The following THSD4 variants were observed in gnomAD, a reference collection of about 807,000 sequenced individuals.
The protein encoded by THSD4 is thrombospondin type-1 domain-containing protein 4.
THSD4 carries 69 observed loss-of-function variants against 119.0 expected under a neutral mutation model. The ratio of observed to expected loss-of-function variants is 0.58; its 90% confidence interval spans 0.48 to 0.71. THSD4 has a LOEUF of 0.71. Ranked by LOEUF, THSD4 falls within the 30% of genes least tolerant of loss-of-function variation. THSD4 has a pLI of 0.00. For missense variants in THSD4, 1,393 were observed against 1,391.1 expected (o/e 1.00, Z -0.02); for synonymous variants, 524 against 540.4 (o/e 0.97, Z 0.42).
At chr15:71,655,418 A>G (rs906132929) in intron 7 of THSD4, among the ~76,000 whole-genome samples, 1 of 152,214 alleles carries the variant, frequency 6.6e-6, no homozygotes, top group Non-Finnish European at 1.5e-5. Context: ...AAGAAGTAGT[A>G]GAAAGTGTTA....
chr15:71,326,349 T>TG (rs1320084891), intron 6 of THSD4, among the ~76,000 whole-genome samples: 1 of 151,616 alleles, frequency 6.6e-6, no homozygotes, highest in Non-Finnish European at 1.5e-5. Flanking sequence ...AAAATGGTGG[T>TG]GGTGATGATG....
intron 7 of THSD4, among the ~76,000 whole-genome samples, chr15:71,501,692 C>G (rs995701861): frequency 1.1e-4 from 17 of 152,212 alleles, no homozygotes; most frequent in African/African-American, 4.1e-4. Flanking sequence ...TTTAAAAATG[C>G]AAATAACTCT....
intron 7 of THSD4, among the ~76,000 whole-genome samples, chr15:71,530,100 A>G (rs2048585989): frequency 6.6e-6 from 1 of 152,194 alleles, no homozygotes; most frequent in Admixed American, 6.5e-5. Context: ...AGCCTTCAAA[A>G]CTATCTTCTT....
At chr15:71,433,588 T>G (rs1595762582) in intron 7 of THSD4, among the ~76,000 whole-genome samples, 1 of 151,796 alleles carries the variant, frequency 6.6e-6, no homozygotes, top group East Asian at 1.9e-4. Flanking sequence ...GTCCCCTGAG[T>G]CATCCTGGGT....
chr15:71,241,507 A>G (rs1354405284), intron 4 of THSD4, among the ~76,000 whole-genome samples: 1 of 152,172 alleles, frequency 6.6e-6, no homozygotes, highest in African/African-American at 2.4e-5. Flanking sequence ...CTTGAAAACT[A>G]TGGATGATTA....
intron 3 of THSD4, among the ~76,000 whole-genome samples, chr15:71,213,164 T>C (rs977056439): frequency 6.6e-6 from 1 of 152,194 alleles, no homozygotes; most frequent in African/African-American, 2.4e-5. Flanking sequence ...AATCCTTCCT[T>C]GCCTCTTCCA....
intron 7 of THSD4, among the ~76,000 whole-genome samples, chr15:71,626,178 G>T (rs2050506219): frequency 6.6e-6 from 1 of 152,096 alleles, no homozygotes; most frequent in African/African-American, 2.4e-5. Context: ...ACAATTTATG[G>T]TATCTTGTAA....
intron 4 of THSD4, 76 bp from the exon 5 acceptor site, chr15:71,242,573 C>A: frequency 6.7e-7 from 1 of 1,490,178 alleles, no homozygotes; most frequent in Non-Finnish European, 9.2e-7. Context: ...TCCTCTCTAC[C>A]ACGGACCAGA....
chr15:71,332,991 G>T (rs1025345332), intron 6 of THSD4, among the ~76,000 whole-genome samples: 1 of 145,864 alleles, frequency 6.9e-6, no homozygotes, highest in Non-Finnish European at 1.5e-5. Flanking sequence ...AGGGAAGATC[G>T]GACACCTCTG....
intron 6 of THSD4, among the ~76,000 whole-genome samples, chr15:71,353,996 G>C (rs1199067841): frequency 6.6e-6 from 1 of 152,196 alleles, no homozygotes; most frequent in East Asian, 1.9e-4. Flanking sequence ...AATTCCAGGG[G>C]CTGTCTGGAA....
At chr15:71,301,473 C>T (rs571042420) in intron 6 of THSD4, among the ~76,000 whole-genome samples, 8 of 151,912 alleles carry the variant, frequency 5.3e-5, no homozygotes, top group Admixed American at 4.6e-4. Flanking sequence ...GAACATATAC[C>T]GTTGTGTGTT....
chr15:71,374,584 T>TCATC (rs1325655654), intron 6 of THSD4, among the ~76,000 whole-genome samples: 2 of 152,156 alleles, frequency 1.3e-5, no homozygotes, highest in Admixed American at 6.5e-5. Context: ...TGCCTCTACC[T>TCATC]CATCAGAGCT....
chr15:71,674,609 A>AT (rs1046247108), intron 8 of THSD4, among the ~76,000 whole-genome samples: 10 of 151,716 alleles, frequency 6.6e-5, no homozygotes, highest in African/African-American at 1.7e-4. Context: ...GGACTTCAGG[A>AT]TTTTTTTTTA....
At chr15:71,727,545 AAAAAAAAAATATATATATATATATAT>A (rs1404339872) in intron 8 of THSD4, among the ~76,000 whole-genome samples, 13 of 97,688 alleles carry the variant, frequency 1.3e-4, no homozygotes, top group Middle Eastern at 4.5e-3. Context: ...AAAAAAAAAA[AAAAAAAAAATATATATATATATATAT>A]ATATATATAT....
intron 7 of THSD4, among the ~76,000 whole-genome samples, chr15:71,414,062 T>G (rs920590704): frequency 6.6e-6 from 1 of 152,250 alleles, no homozygotes; most frequent in African/African-American, 2.4e-5. Flanking sequence ...AAACCTGCCC[T>G]CCGAAGTCGG....
intron 4 of THSD4, among the ~76,000 whole-genome samples, chr15:71,239,479 C>G (rs979004435): frequency 2.0e-5 from 3 of 152,216 alleles, no homozygotes; most frequent in South Asian, 4.1e-4. Flanking sequence ...GAAAGCTGGC[C>G]TCAGGGTCCA....
chr15:71,718,321 A>G (rs1454319535), intron 8 of THSD4, among the ~76,000 whole-genome samples: 1 of 152,152 alleles, frequency 6.6e-6, no homozygotes, highest in Non-Finnish European at 1.5e-5. Flanking sequence ...AGCCTCCTGG[A>G]ATTCCTTCTG....
chr15:71,289,048 C>T (rs1165468747), intron 6 of THSD4, among the ~76,000 whole-genome samples: 1 of 152,196 alleles, frequency 6.6e-6, no homozygotes, highest in African/African-American at 2.4e-5. Flanking sequence ...TAATTACGAG[C>T]TAGACACTGT....
Position 71,429,407 on chromosome 15 carries a change from G to A in THSD4, c.1152+17584G>A, listed in dbSNP as rs187330624. Among the ~76,000 whole-genome samples, 267 of 152,348 alleles carry A rather than the reference G, an allele frequency of 1.8e-3. 1 individual carries two copies. The highest frequency in any genetic ancestry group is 3.3e-3 in the Non-Finnish European group (224 of 68,034). On this transcript the variant is annotated intron_variant, in intron 7 of 17. Coordinates refer to ENST00000261862, the MANE Select transcript of THSD4 (RefSeq NM_024817.3). ...CTCTTTGAAATACTGAATAGGACCA[G>A]AATAGAAGACAGTGGTTTGTGACAA...
Sources: allele counts gnomAD v4.1 joint callset (sites outside exome capture counted in the v4.1 genomes callset), GRCh38; gene constraint gnomAD v4.1.1; transcripts MANE v1.5; gene names NCBI Gene and HGNC (gene_info 2026-07-23, HGNC 2026-07-21).